Variants in FLT4 observed in about 807,000 individuals in gnomAD.
FLT4 encodes the protein vascular endothelial growth factor receptor 3.
A neutral mutation model predicts 163.2 loss-of-function variants in FLT4; 30 were observed. The ratio of observed to expected loss-of-function variants is 0.18; its 90% CI spans 0.14 to 0.25. The LOEUF (loss-of-function observed/expected upper bound fraction) is 0.25. Among genes scored for constraint, FLT4 ranks in the 10% least tolerant of loss-of-function variants. The probability of loss-of-function intolerance (pLI) is 1.00; values close to 1 mark genes in which losing one functional copy is unlikely to be tolerated. For synonymous variants in FLT4, 884 were observed against 789.5 expected (o/e 1.12, Z -2.01); for missense variants, 1,510 against 1,863.8 (o/e 0.81, Z 3.50).
At chr5:180,637,217 C>T (rs1198380383) in intron 1 of FLT4, among the ~76,000 whole-genome samples, 4 of 151,822 alleles carry the variant, frequency 2.6e-5, no homozygotes, top group Admixed American at 2.6e-4. Flanking sequence ...GTAGTCCCAG[C>T]TACTCGGGAG....
rs1175920553 is a variant in FLT4, at chr5:180,619,319, T to A, written c.2695A>T (p.Ile899Phe). The A allele has an allele frequency of 6.2e-7, 1 of 1,610,954 alleles. No individual in the cohort carries two copies. The highest frequency in any genetic ancestry group is 1.7e-5 in the Admixed American group (1 of 59,968). Residue 899 changes from isoleucine (I) to phenylalanine (F), a missense_variant, in exon 19 of 30, where the codon ATC (isoleucine) becomes TTC (phenylalanine). Around this residue, in one of 5 missense-constraint regions of FLT4, gnomAD observed 878 missense variants for 1,016.7 expected, o/e 0.86. Coordinates refer to ENST00000261937, the MANE Select transcript of FLT4 (RefSeq NM_182925.5). ...EHRALMSELKILIHIGNHLNV... is the reference protein window; with the variant it reads ...EHRALMSELKFLIHIGNHLNV... The stretch of plus-strand genomic sequence containing the variant: ...AGGTGGTTGCCGATGTGAATGAGGA[T>A]CTTGAGCTCCGACATCAGCGCGCGG...
chr5:180,604,998 T>C (rs1412587250), intron 29 of FLT4, among the ~76,000 whole-genome samples: 1 of 152,270 alleles, frequency 6.6e-6, no homozygotes, highest in Non-Finnish European at 1.5e-5. Context: ...GCTTGCTGTG[T>C]TGCCCAGCCT....
chr5:180,649,210 C>T (rs1023541069), intron 1 of FLT4, among the ~76,000 whole-genome samples: 2 of 151,820 alleles, frequency 1.3e-5, no homozygotes, highest in Admixed American at 6.6e-5. Context: ...GCGGAGCCAC[C>T]GACGGAGACG....
At position 180,621,113 on chromosome 5, in the gene FLT4, T is replaced by C; in HGVS notation, c.2160A>G (p.Glu720=). The C allele has an allele frequency of 6.2e-7, 1 of 1,612,778 alleles. No individual in the cohort carries two copies. The highest frequency in any genetic ancestry group is 8.5e-7 in the Non-Finnish European group (1 of 1,179,972). Residue 720 remains glutamate (E), a synonymous_variant, in exon 14 of 30, where the codon GAA becomes GAG. Coordinates refer to ENST00000261937, the MANE Select transcript of FLT4 (RefSeq NM_182925.5). ...CAGGGCCACCCTCCCTACCAGACTT[T>C]TCCTCCAGCAGCCTCTCGTCTTTGT... ...VWYKDERLLE[E]KSGVDLADSN...
intron 29 of FLT4, among the ~76,000 whole-genome samples, chr5:180,604,653 C>T (rs1004156547): frequency 1.1e-4 from 16 of 152,228 alleles, no homozygotes; most frequent in African/African-American, 3.9e-4. Context: ...CCCTATCATG[C>T]ACCATCCTCA....
At position 180,620,315 on chromosome 5, in the gene FLT4, G is replaced by A. The variant is rs796052108; in HGVS notation, c.2407-7C>T. The A allele has an allele frequency of 6.2e-7, 1 of 1,610,398 alleles. No homozygotes were observed. Among genetic ancestry groups the A allele is most frequent in the South Asian group, 1.1e-5 (1 of 91,070 alleles). ...TGATGTCTGCGTGGGCCGGCTGCGG[G>A]GAGGGGACAGGGAGGAGTGGGGCAG... On this transcript the variant is annotated splice_polypyrimidine_tract_variant and splice_region_variant and intron_variant, in intron 16 of 29. Transcript: ENST00000261937. This position sits in a 1 kb window ranked among gnomAD's most constrained non-coding sequence, Gnocchi z 4.4.
At position 180,621,225 on chromosome 5, in the gene FLT4, T is replaced by C; in HGVS notation, c.2048A>G (p.Asn683Ser). The C allele has an allele frequency of 1.2e-6, 2 of 1,612,668 alleles. No homozygotes were observed. Among genetic ancestry groups the C allele is most frequent in the Non-Finnish European group, 1.7e-6 (2 of 1,179,854 alleles). ...CACGTTCACCAGGAGGTCGGTCAAG[T>C]TCTGCGTGAGCCGAGGGGCTTCCAG... Reference protein sequence around the residue: ...QALEAPRLTQNLTDLLVNVSD... With the variant: ...QALEAPRLTQSLTDLLVNVSD... Residue 683 changes from asparagine to serine, a missense_variant, in exon 14 of 30, where the codon AAC becomes AGC. Asn to Ser is a conservative substitution (Grantham distance 46). Transcript: ENST00000261937.
rs1373289107 is a variant in FLT4 at position 180,636,391 on chromosome 5, CA to C, written c.59-4614del. On this transcript the variant is annotated intron_variant, in intron 1 of 29. Coordinates refer to ENST00000261937, the MANE Select transcript of FLT4 (RefSeq NM_182925.5). This position sits in a 1 kb window ranked among gnomAD's most constrained non-coding sequence, Gnocchi z 4.3. ...TGGGCGGTTACTGCCCTCCACCCCACATGCCTGAACTCCTCGCAGCCACCTG... is the reference window on the plus strand; with the variant it reads ...TGGGCGGTTACTGCCCTCCACCCCACTGCCTGAACTCCTCGCAGCCACCTG... Among the ~76,000 whole-genome samples, 1 of 152,124 alleles carries C rather than the reference CA, an allele frequency of 6.6e-6. No homozygotes were observed. The highest frequency in any genetic ancestry group is 1.5e-5 in the Non-Finnish European group (1 of 68,006).
Position 180,609,826 on chromosome 5 carries a change from C to T in FLT4, c.3807+79G>A, listed in dbSNP as rs570696224. 82 of 1,572,256 alleles carry T rather than the reference C, an allele frequency of 5.2e-5. 1 individual carries two copies. The East Asian group carries it at 1.2e-3, about 23-fold the overall frequency. On this transcript the variant is annotated intron_variant, in intron 28 of 29. Transcript: ENST00000261937. ...TCGTTGGGTTCTGCCATTTGCCTTA[C>T]GAATTCCTGACGCTGCCTCCCCTGA... is the stretch of plus-strand genomic sequence containing the variant.
At chr5:180,611,741 T>C in intron 26 of FLT4, 1 of 570,368 alleles carries the variant, frequency 1.8e-6, no homozygotes, top group Non-Finnish European at 3.2e-6. Context: ...AACGAGCTCA[T>C]GCCAGAAACC....
chr5:180,649,438 C>G (rs1283574644), intron 1 of FLT4, 50 bp downstream of exon 1: 3 of 1,387,190 alleles, frequency 2.2e-6, no homozygotes, highest in African/African-American at 3.0e-5. Context: ...GCGGTACCCC[C>G]TCCCCGGCCA....
At chr5:180,609,295 G>A (rs959341655) in intron 28 of FLT4, 21 of 579,366 alleles carry the variant, frequency 3.6e-5, no homozygotes, top group Middle Eastern at 4.6e-4. Flanking sequence ...CCTCATACTT[G>A]GGGACCTCCA....
At chr5:180,627,144 T>G (rs1763687446) in intron 8 of FLT4, among the ~76,000 whole-genome samples, 1 of 152,192 alleles carries the variant, frequency 6.6e-6, no homozygotes, top group Non-Finnish European at 1.5e-5. Context: ...GGACTCTGTA[T>G]GGAGATGCTC....
chr5:180,602,449 G>T lies in FLT4; in HGVS notation c.*743C>A, dbSNP rs557074258. 1.9e-3 allele frequency: 742 copies of T among 394,388 alleles called. 1 individual carries two copies. The highest frequency in any genetic ancestry group is 3.9e-3 in the Middle Eastern group (6 of 1,552). The allele number at this position is 394,388 out of a possible 1,614,324, so 24.4% of individuals were successfully genotyped here. ...TACAGCTGTCCCTGGGCGCCTTCCA[G>T]GCTGAATTCGGAAAGCAAATTCTTC... On this transcript the variant is annotated 3_prime_UTR_variant, in exon 30 of 30. Coordinates refer to ENST00000261937, the MANE Select transcript of FLT4 (RefSeq NM_182925.5).
At chr5:180,608,210 G>C in intron 29 of FLT4, 1 of 700,720 alleles carries the variant, frequency 1.4e-6, no homozygotes, top group Non-Finnish European at 2.6e-6. Flanking sequence ...AAGTCTTAAA[G>C]TCTTTGATCT....
chr5:180,646,798 G>A (rs1581721900), intron 1 of FLT4, among the ~76,000 whole-genome samples: 1 of 152,174 alleles, frequency 6.6e-6, no homozygotes, highest in Admixed American at 6.5e-5. Flanking sequence ...CACTGCTGGG[G>A]GTTACAGTGA....
At chr5:180,631,390 G>A (rs551703485) in intron 2 of FLT4, among the ~76,000 whole-genome samples, 15 of 152,066 alleles carry the variant, frequency 9.9e-5, no homozygotes, top group Non-Finnish European at 1.3e-4. Flanking sequence ...GGAGAATGGC[G>A]TGAACCCGGG....
At chr5:180,607,409 G>C (rs572948447) in intron 29 of FLT4, among the ~76,000 whole-genome samples, 3 of 152,250 alleles carry the variant, frequency 2.0e-5, no homozygotes, top group Admixed American at 1.3e-4. Context: ...GGCCGAGGGC[G>C]GGCGGATCAC....
intron 1 of FLT4, among the ~76,000 whole-genome samples, chr5:180,642,231 T>C (rs1001250670): frequency 1.1e-4 from 17 of 149,544 alleles, no homozygotes; most frequent in African/African-American, 3.2e-4. Flanking sequence ...AAGAATAAGC[T>C]GTCTCTGGCT....
Sources: allele counts gnomAD v4.1 joint callset (sites outside exome capture counted in the v4.1 genomes callset), GRCh38; gene constraint gnomAD v4.1.1; regional missense constraint gnomAD v4.1.1; non-coding constraint Gnocchi (gnomAD v3.1); transcripts MANE v1.5; gene names NCBI Gene and HGNC (gene_info 2026-07-23, HGNC 2026-07-21).